TBL1X: variants seen among roughly 807,000 people sequenced by gnomAD.
TBL1X encodes F-box-like/WD repeat-containing protein TBL1X.
TBL1X carries 10 observed loss-of-function variants against 50.7 expected under a neutral mutation model. That is an observed-to-expected ratio of 0.20 (90% CI 0.12 to 0.33). The LOEUF (loss-of-function observed/expected upper bound fraction) is 0.33, where lower values mean the gene tolerates loss of function less well. Ranked by LOEUF, TBL1X falls within the 10% of genes least tolerant of loss-of-function variation. The pLI is 1.00. For missense variants in TBL1X, 340 were observed against 504.4 expected (o/e 0.67, Z 3.12); for synonymous variants, 190 against 214.7 (o/e 0.88, Z 1.01).
At chrX:9,469,698 C>T (rs1020255217) in intron 1 of TBL1X, among the ~76,000 whole-genome samples, 2 of 112,359 alleles carry the variant, frequency 1.8e-5, no homozygotes, top group South Asian at 7.3e-4. Context: ...TGACCACCAT[C>T]ATCATCAGGA....
At chrX:9,526,955 G>A (rs765437624) in intron 2 of TBL1X, among the ~76,000 whole-genome samples, 7 of 111,612 alleles carry the variant, frequency 6.3e-5, no homozygotes, top group Admixed American at 1.9e-4. Flanking sequence ...GTGATGGGGA[G>A]CGCCCTCCCC....
At chrX:9,499,868 T>G (rs2081991274) in intron 1 of TBL1X, among the ~76,000 whole-genome samples, 1 of 109,131 alleles carries the variant, frequency 9.2e-6, no homozygotes, top group African/African-American at 3.4e-5. Flanking sequence ...CCCAGCTACT[T>G]GGGAAGCTGA....
At chrX:9,464,137 C>A (rs1233349902), upstream of TBL1X, among the ~76,000 whole-genome samples, 1 of 111,203 alleles carries the variant, frequency 9.0e-6, no homozygotes, top group Non-Finnish European at 1.9e-5. Flanking sequence ...ATCTGTTTAA[C>A]TGAATTAAGG....
At chrX:9,692,817 G>A (rs1381167446) in intron 9 of TBL1X, among the ~76,000 whole-genome samples, 1 of 112,543 alleles carries the variant, frequency 8.9e-6, no homozygotes, top group East Asian at 2.8e-4. Flanking sequence ...ATGAGCCTGT[G>A]GCCTCATGGT....
In TBL1X at chrX:9,556,210, CAAAA is replaced by C. The variant is rs56824855; in HGVS notation, c.-131+54366_-131+54369del. On this transcript the variant is annotated intron_variant, in intron 2 of 17. Transcript: ENST00000645353. ...TAAACAAAAAAAAAACAAAACAAAA[CAAAA>C]AAAACAGTACAAAGTGTTCAGTGCC... Among the ~76,000 whole-genome samples, 5 of 102,059 alleles carry C rather than the reference CAAAA, an allele frequency of 4.9e-5. No homozygotes were observed. The South Asian group carries it at 1.3e-3, about 27-fold the overall frequency. The allele number at this position is 102,059 out of a possible 115,157, so 88.6% of individuals were successfully genotyped here.
At chrX:9,550,584 G>A (rs750297540) in intron 2 of TBL1X, among the ~76,000 whole-genome samples, 2 of 111,817 alleles carry the variant, frequency 1.8e-5, no homozygotes, top group South Asian at 3.8e-4. Flanking sequence ...TGACTTCTAC[G>A]AATTCTCTTG....
intron 13 of TBL1X, among the ~76,000 whole-genome samples, chrX:9,708,274 T>C (rs1287736160): frequency 8.9e-6 from 1 of 112,124 alleles, no homozygotes; most frequent in Non-Finnish European, 1.9e-5. Context: ...TTTAGCCTCG[T>C]GGTCCCCAGG....
chrX:9,584,208 G>C (rs2082456777), intron 2 of TBL1X, among the ~76,000 whole-genome samples: 2 of 111,928 alleles, frequency 1.8e-5, no homozygotes, highest in African/African-American at 6.5e-5. Flanking sequence ...TCACTTCTTG[G>C]GATTTAGCTC....
In TBL1X at chrX:9,709,322, G is replaced by A. The variant is rs767473312; in HGVS notation, c.1311G>A (p.Lys437=). 1.7e-6 allele frequency: 2 copies of A among 1,211,423 alleles called. No homozygotes were observed. Among genetic ancestry groups the A allele is most frequent in the South Asian group, 3.5e-5 (2 of 56,869 alleles). The part of the protein sequence containing the change: ...LASCSDDMTL[K]IWSMKQEVCI... ...CCTGCTCGGATGACATGACATTGAA[G>A]GTAGAGTCGGCATGGCAAGGGGTGG... Residue 437 remains lysine, a splice_region_variant and synonymous_variant, in exon 14 of 18, where the codon AAG becomes AAA. Transcript: ENST00000645353.
intron 2 of TBL1X, among the ~76,000 whole-genome samples, chrX:9,533,796 C>T (rs1270311188): frequency 1.8e-5 from 2 of 111,403 alleles, no homozygotes; most frequent in African/African-American, 3.3e-5. Flanking sequence ...TGTGCTGCTC[C>T]GGGCTCCTTC....
intron 2 of TBL1X, among the ~76,000 whole-genome samples, chrX:9,520,270 G>A (rs1007079934): frequency 8.9e-6 from 1 of 112,124 alleles, no homozygotes; most frequent in Non-Finnish European, 1.9e-5. Context: ...TATTTACCAA[G>A]CACCTCCTCT....
At chrX:9,479,626 T>C (rs757319577) in intron 1 of TBL1X, among the ~76,000 whole-genome samples, 1 of 111,736 alleles carries the variant, frequency 8.9e-6, no homozygotes, top group Non-Finnish European at 1.9e-5. Flanking sequence ...TTTGTCTAAA[T>C]TAGGCAGGTC....
chrX:9,636,230 G>A (rs1822781440), intron 2 of TBL1X: 1 of 110,301 alleles, frequency 9.1e-6, no homozygotes, highest in Non-Finnish European at 1.9e-5. Context: ...CATAGGTGGT[G>A]GTTGCATAAC....
intron 11 of TBL1X, among the ~76,000 whole-genome samples, chrX:9,696,747 C>A (rs2083133948): frequency 8.9e-6 from 1 of 112,505 alleles, no homozygotes; most frequent in African/African-American, 3.2e-5. Context: ...TGCTTTGTTC[C>A]AGGTTTTTCA....
rs771931906 is a variant in TBL1X, at chrX:9,489,173, C to T, written c.-200-12607C>T. 3.6e-5 allele frequency among the ~76,000 whole-genome samples: 4 copies of T among 110,004 alleles called. No individual in the cohort carries two copies. The East Asian group carries it at 1.1e-3, about 32-fold the overall frequency. On this transcript the variant is annotated intron_variant, in intron 1 of 17. Coordinates refer to ENST00000645353, the MANE Select transcript of TBL1X (RefSeq NM_005647.4). Reference sequence around the variant, plus strand: ...CTTGGAGTCTCAGAGTCTGTGTCAGCTGTGGGTAAGGAATGAGACCACCAT... The same window carrying T: ...CTTGGAGTCTCAGAGTCTGTGTCAGTTGTGGGTAAGGAATGAGACCACCAT...
chrX:9,646,197 ATAGT>A (rs1320188176), intron 3 of TBL1X, among the ~76,000 whole-genome samples: 2 of 112,310 alleles, frequency 1.8e-5, no homozygotes, highest in African/African-American at 6.5e-5. Flanking sequence ...TGGCGGCCTG[ATAGT>A]TCCCATATGT....
chrX:9,698,683 T>G (rs764866509), intron 12 of TBL1X, among the ~76,000 whole-genome samples: 1 of 111,776 alleles, frequency 8.9e-6, no homozygotes, highest in South Asian at 3.8e-4. Context: ...CACAAACAAG[T>G]GTTAGCAGAG....
chrX:9,494,754 C>T (rs185733029), intron 1 of TBL1X, among the ~76,000 whole-genome samples: 3 of 111,576 alleles, frequency 2.7e-5, no homozygotes, highest in East Asian at 2.8e-4. Flanking sequence ...TGAAGGTGGA[C>T]GTGTTAAAAT....
In TBL1X at chrX:9,685,709, TTTC is replaced by T. The variant is rs1390027346; in HGVS notation, c.357+1524_357+1526del. 8.1e-5 allele frequency among the ~76,000 whole-genome samples: 7 copies of T among 86,752 alleles called. No individual in the cohort carries two copies. The East Asian group carries it at 1.2e-3, about 15-fold the overall frequency. The allele number at this position is 86,752 out of a possible 115,157, so 75.3% of individuals were successfully genotyped here. A position where few individuals can be genotyped will look rare whatever the true frequency, so the allele number is the denominator to read the frequency against. On this transcript the variant is annotated intron_variant, in intron 6 of 17. Transcript: ENST00000645353. The stretch of plus-strand genomic sequence containing the variant: ...TAATAATATCCTGTTCTCTTTTTCT[TTTC>T]TTTTCTTTTTTTTTTTTTTTTTTTT...
Sources: gnomAD v4.1 joint callset for allele counts (sites outside exome capture counted in the v4.1 genomes callset) on GRCh38, gnomAD v4.1.1 for gene constraint, MANE v1.5 for transcripts, NCBI Gene and HGNC (gene_info 2026-07-23, HGNC 2026-07-21) for gene names.